Variants in MAST3 observed in about 807,000 individuals in gnomAD.
The protein encoded by MAST3 is microtubule-associated serine/threonine-protein kinase 3.
A neutral mutation model predicts 127.0 loss-of-function variants in MAST3; 43 were observed. The observed-to-expected ratio is 0.34, with a 90% CI of 0.27 to 0.44. The LOEUF (loss-of-function observed/expected upper bound fraction) is 0.44. MAST3 is among the 20% of genes least tolerant of loss of function. MAST3 has a pLI of 1.00. For synonymous variants in MAST3, 785 were observed against 809.2 expected (o/e 0.97, Z 0.51); for missense variants, 1,390 against 1,919.1 (o/e 0.72, Z 5.15).
chr19:18,133,924 A>C (rs2147464095), intron 15 of MAST3, among the ~76,000 whole-genome samples: 1 of 152,222 alleles, frequency 6.6e-6, no homozygotes, highest in South Asian at 2.1e-4. Flanking sequence ...TATGGACTTA[A>C]ATATATAAAT....
intron 3 of MAST3, among the ~76,000 whole-genome samples, chr19:18,111,616 C>A (rs1599682821): frequency 6.9e-6 from 1 of 145,838 alleles, no homozygotes; most frequent in African/African-American, 2.6e-5. Flanking sequence ...CTTACTGCAA[C>A]CTCCACCTCC....
intron 3 of MAST3, among the ~76,000 whole-genome samples, chr19:18,115,977 C>G (rs1341760945): frequency 6.6e-6 from 1 of 152,204 alleles, no homozygotes; most frequent in Non-Finnish European, 1.5e-5. Context: ...CCTTCCTCCT[C>G]CATTTCTGGC....
At chr19:18,131,086 A>G (rs1045062503) in intron 14 of MAST3, among the ~76,000 whole-genome samples, 2 of 152,232 alleles carry the variant, frequency 1.3e-5, no homozygotes, top group African/African-American at 4.8e-5. Context: ...CCAGCTGTAT[A>G]CAGCACTAAT....
intron 3 of MAST3, among the ~76,000 whole-genome samples, chr19:18,111,796 C>T (rs1461764837): frequency 6.6e-6 from 1 of 152,126 alleles, no homozygotes; most frequent in Non-Finnish European, 1.5e-5. Flanking sequence ...GGATTACAGG[C>T]ATAAGCCACA....
chr19:18,117,228 G>A (rs2039372700), intron 3 of MAST3, among the ~76,000 whole-genome samples: 1 of 152,180 alleles, frequency 6.6e-6, no homozygotes, highest in Non-Finnish European at 1.5e-5. Flanking sequence ...TGATGCTATC[G>A]TTTATAGAGA....
intron 2 of MAST3, among the ~76,000 whole-genome samples, chr19:18,108,186 A>G (rs189451406): frequency 1.3e-5 from 2 of 151,986 alleles, no homozygotes; most frequent in South Asian, 2.1e-4. Context: ...CCAGGTACTC[A>G]GGAGGCTGAG....
At chr19:18,128,516 G>A (rs2040913981) in intron 12 of MAST3, 58 bp downstream of exon 12, 4 of 1,501,456 alleles carry the variant, frequency 2.7e-6, no homozygotes, top group Non-Finnish European at 1.8e-6. Context: ...AGTGGACCAG[G>A]CACCCGCAGA....
Position 18,145,830 on chromosome 19 carries a change from C to T in MAST3, c.3127C>T (p.Leu1043=). ...THINGESVLG[L]VHMDVVELLL... is the part of the protein sequence containing the mutation. The stretch of plus-strand genomic sequence containing the variant: ...CATCAACGGGGAGTCAGTGCTGGGG[C>T]TGGTGCACATGGACGTCGTGGAGCT... The change falls in exon 25 of 28, where the codon CTG becomes TTG. Residue 1043 remains leucine (L), a synonymous_variant. Transcript: ENST00000687212. The surrounding 1 kb of genome is among the most constrained non-coding windows in gnomAD (Gnocchi z 5.9). 1 of 1,598,788 alleles carries T rather than the reference C, an allele frequency of 6.3e-7. No homozygotes were observed. The highest frequency in any genetic ancestry group is 8.5e-7 in the Non-Finnish European group (1 of 1,174,288).
intron 14 of MAST3, 105 bp from the exon 15 acceptor site, chr19:18,131,804 C>A (rs999970262): frequency 7.6e-7 from 1 of 1,311,642 alleles, no homozygotes; most frequent in Non-Finnish European, 1.1e-6. Flanking sequence ...GGACCTTTTG[C>A]AGGAGGTAAA....
chr19:18,110,733 C>A lies in MAST3; in HGVS notation c.153C>A (p.His51Gln). 7.1e-6 allele frequency: 7 copies of A among 985,688 alleles called. No homozygotes were observed. The highest frequency in any genetic ancestry group is 5.2e-4 in the Middle Eastern group (1 of 1,940). 61.1% of individuals were successfully genotyped at this position (985,688 alleles called of 1,614,324 possible). The part of the protein sequence containing the change: ...CSPCSPSLGL[H>Q]PWSCRSGNRK... ...CCTGTAGCCCCTCCTTGGGCCTGCA[C>A]CCCTGGAGGTAAGTGACAGCGCGTG... is the stretch of plus-strand genomic sequence containing the variant. The change falls in exon 3 of 28, where the codon CAC becomes CAA. Residue 51 changes from histidine to glutamine, a missense_variant. By Grantham distance (24) the His-to-Gln change is conservative (BLOSUM62 0). Coordinates refer to ENST00000687212, the MANE Select transcript of MAST3 (RefSeq NM_001393504.1). This position sits in a 1 kb window ranked among gnomAD's most constrained non-coding sequence, Gnocchi z 4.3.
In MAST3 at chr19:18,131,770, C is replaced by T. The variant is rs1568585202; in HGVS notation, c.1433-139C>T. 6.7e-6 allele frequency: 6 copies of T among 889,868 alleles called. No individual in the cohort carries two copies. In the Admixed American group the frequency reaches 1.3e-4, roughly 19 times the overall value. 55.1% of individuals were successfully genotyped at this position (889,868 alleles called of 1,614,324 possible). A position where few individuals can be genotyped will look rare whatever the true frequency, so the allele number is the denominator to read the frequency against. ...CGCCCCTTCCCTCTCCCCCGACCCT[C>T]CCCGCTGAGATAGAACAAACTGGGG... On this transcript the variant is annotated intron_variant, in intron 14 of 27. Transcript: ENST00000687212.
chr19:18,120,136 A>C (rs1369092277), intron 3 of MAST3, among the ~76,000 whole-genome samples: 1 of 152,106 alleles, frequency 6.6e-6, no homozygotes, highest in East Asian at 1.9e-4. Context: ...GCCAGAAGGG[A>C]ACTGGGATGG....
intron 13 of MAST3, among the ~76,000 whole-genome samples, chr19:18,130,189 C>A (rs1337524180): frequency 6.6e-6 from 1 of 152,124 alleles, no homozygotes; most frequent in Non-Finnish European, 1.5e-5. Context: ...GTGCTCCAGC[C>A]TGGGCAACAG....
In MAST3 at chr19:18,110,430, C is replaced by T. The variant is rs1246334074; in HGVS notation, c.72-222C>T. On this transcript the variant is annotated intron_variant, in intron 2 of 27. Coordinates refer to ENST00000687212, the MANE Select transcript of MAST3 (RefSeq NM_001393504.1). The surrounding 1 kb of genome is among the most constrained non-coding windows in gnomAD (Gnocchi z 4.3). ...GAGGACAGGATGACAACTACCCTCC[C>T]CCCACGTCTCTGTTCGTGTCGCCCA... The T allele has an allele frequency of 5.1e-6, 5 of 982,494 alleles. No homozygotes were observed. The highest frequency in any genetic ancestry group is 5.2e-4 in the Middle Eastern group (1 of 1,930). The allele number at this position is 982,494 out of a possible 1,614,324, so 60.9% of individuals were successfully genotyped here. A position where few individuals can be genotyped will look rare whatever the true frequency, so the allele number is the denominator to read the frequency against.
intron 1 of MAST3, 119 bp downstream of exon 1, chr19:18,097,950 G>T: frequency 1.5e-5 from 12 of 783,362 alleles, no homozygotes; most frequent in Non-Finnish European, 1.9e-5. Flanking sequence ...CAGAGGGTGG[G>T]GAACGCTCAG....
chr19:18,133,098 T>TAA lies in MAST3; in HGVS notation c.1571+1064_1571+1065dup, dbSNP rs879533143. 2.0e-4 allele frequency among the ~76,000 whole-genome samples: 27 copies of TAA among 136,838 alleles called. No homozygotes were observed. The East Asian group carries it at 4.4e-3, about 22-fold the overall frequency. 89.8% of individuals were successfully genotyped at this position (136,838 alleles called of 152,430 possible). ...TGGGCGACAGAGCGAGACTCCATCT[T>TAA]AAAAAAAAAAAAAAGCGCCTCGCAT... On this transcript the variant is annotated intron_variant, in intron 15 of 27. Coordinates refer to ENST00000687212, the MANE Select transcript of MAST3 (RefSeq NM_001393504.1).
intron 21 of MAST3, 82 bp downstream of exon 21, chr19:18,142,097 G>C (rs1209381365): frequency 2.3e-6 from 3 of 1,303,892 alleles, no homozygotes; most frequent in Non-Finnish European, 2.0e-6. Flanking sequence ...TGCAAAGGGA[G>C]CTTCCTAGTG....
intron 3 of MAST3, among the ~76,000 whole-genome samples, chr19:18,114,399 G>A (rs1322739146): frequency 6.6e-6 from 1 of 152,082 alleles, no homozygotes; most frequent in East Asian, 1.9e-4. Context: ...ATGTTGGCCA[G>A]GCTGGTCTCG....
intron 3 of MAST3, chr19:18,118,245 G>A: frequency 1.0e-6 from 1 of 985,426 alleles, no homozygotes; most frequent in Non-Finnish European, 1.2e-6. Context: ...CTGCTGCAGC[G>A]CTCCAAGAGG....
Sources: gnomAD v4.1 joint callset for allele counts (sites outside exome capture counted in the v4.1 genomes callset) on GRCh38, gnomAD v4.1.1 for gene constraint, Gnocchi (gnomAD v3.1) non-coding constraint, MANE v1.5 for transcripts, NCBI Gene and HGNC (gene_info 2026-07-23, HGNC 2026-07-21) for gene names.